Variants in MSRA observed in about 807,000 individuals in gnomAD.
MSRA encodes the protein methionine sulfoxide reductase A, also known as mitochondrial peptide methionine sulfoxide reductase.
A neutral mutation model predicts 31.3 loss-of-function variants in MSRA; 54 were observed. The observed-to-expected ratio is 1.73, with a 90% CI of 1.39 to 2.17. The LOEUF (loss-of-function observed/expected upper bound fraction) is 2.17. Ranked by LOEUF, MSRA falls within the 30% of genes most tolerant of loss-of-function variation. The pLI is 0.00. For synonymous variants in MSRA, 169 were observed against 116.5 expected (o/e 1.45, Z -2.90); for missense variants, 507 against 300.9 (o/e 1.69, Z -5.07).
chr8:10,269,852 C>T (rs1406000601), intron 3 of MSRA, among the ~76,000 whole-genome samples: 2 of 152,064 alleles, frequency 1.3e-5, no homozygotes, highest in Admixed American at 1.3e-4. Context: ...GGGGTTTCAC[C>T]GTGTTAGCCA....
chr8:10,162,929 TAA>T (rs1288062086), intron 1 of MSRA, among the ~76,000 whole-genome samples: 1 of 152,124 alleles, frequency 6.6e-6, no homozygotes, highest in South Asian at 2.1e-4. Flanking sequence ...CCTGTGGTCT[TAA>T]AGTTTGCACC....
At chr8:10,290,804 A>G (rs1226923658) in intron 3 of MSRA, among the ~76,000 whole-genome samples, 1 of 152,184 alleles carries the variant, frequency 6.6e-6, no homozygotes, top group African/African-American at 2.4e-5. Flanking sequence ...GTTAATATTA[A>G]AAGGCCATTT....
intron 2 of MSRA, among the ~76,000 whole-genome samples, chr8:10,242,264 C>G (rs1324938203): frequency 2.9e-5 from 3 of 104,100 alleles, no homozygotes; most frequent in Non-Finnish European, 6.9e-5. Flanking sequence ...GAGGGAGACT[C>G]CATCTCAAAA....
At chr8:10,226,448 G>T (rs1811007310) in intron 2 of MSRA, among the ~76,000 whole-genome samples, 1 of 152,136 alleles carries the variant, frequency 6.6e-6, no homozygotes, top group African/African-American at 2.4e-5. Flanking sequence ...ACATCCATAT[G>T]TCCTACATTT....
intron 1 of MSRA, among the ~76,000 whole-genome samples, chr8:10,147,007 C>T (rs966322635): frequency 6.6e-6 from 1 of 152,200 alleles, no homozygotes; most frequent in Non-Finnish European, 1.5e-5. Flanking sequence ...CAGCTGGGGC[C>T]TTGTTGGGTT....
In MSRA at chr8:10,349,951, G is replaced by A. The variant is rs115377651; in HGVS notation, c.543+29962G>A. On this transcript the variant is annotated intron_variant, in intron 5 of 5. Coordinates refer to ENST00000317173, the MANE Select transcript of MSRA (RefSeq NM_012331.5). The stretch of plus-strand genomic sequence containing the variant: ...ACACATTCCAGAGAGGTGAACCCTC[G>A]CTGAAGGTTACAGTTTGCCTTCCAG... 2.6e-3 allele frequency among the ~76,000 whole-genome samples: 396 copies of A among 152,328 alleles called. 4 individuals are homozygous for A. The highest frequency in any genetic ancestry group is 8.9e-3 in the African/African-American group (369 of 41,570).
chr8:10,087,325 T>A (rs1798611688), intron 1 of MSRA, among the ~76,000 whole-genome samples: 2 of 137,466 alleles, frequency 1.5e-5, no homozygotes, highest in South Asian at 2.2e-4. Flanking sequence ...AGCTCATGCA[T>A]GGCTTGTGTT....
chr8:10,130,117 T>G (rs1235061008), intron 1 of MSRA, among the ~76,000 whole-genome samples: 1 of 152,180 alleles, frequency 6.6e-6, no homozygotes, highest in Non-Finnish European at 1.5e-5. Context: ...ATTGGATGTA[T>G]CAAGGACGCT....
At chr8:10,293,871 C>T (rs568131263) in intron 3 of MSRA, among the ~76,000 whole-genome samples, 7 of 152,238 alleles carry the variant, frequency 4.6e-5, no homozygotes, top group South Asian at 4.1e-4. Flanking sequence ...GGATCTGTGG[C>T]GCTCTAGACC....
rs760330019 is a variant in MSRA at position 10,342,668 on chromosome 8, A to T, written c.543+22679A>T. On this transcript the variant is annotated intron_variant, in intron 5 of 5. Coordinates refer to ENST00000317173, the MANE Select transcript of MSRA (RefSeq NM_012331.5). ...GGTCTTAGGGAAGGCCTCCGAGTCC[A>T]GCGCAGTTCCCTGGCCTTACAGACG... Among the ~76,000 whole-genome samples, 110 of 152,218 alleles carry T rather than the reference A, an allele frequency of 7.2e-4. 1 individual carries two copies. Among genetic ancestry groups the T allele is most frequent in the African/African-American group, 1.4e-4 (6 of 41,450 alleles).
chr8:10,126,350 A>T (rs989266153), intron 1 of MSRA, among the ~76,000 whole-genome samples: 16 of 152,134 alleles, frequency 1.1e-4, no homozygotes, highest in African/African-American at 3.9e-4. Flanking sequence ...AGGAAGTAAA[A>T]ATCACTCCAA....
chr8:10,407,911 C>T (rs1807917444), intron 5 of MSRA, among the ~76,000 whole-genome samples: 1 of 152,180 alleles, frequency 6.6e-6, no homozygotes. Flanking sequence ...CATTAAGGAT[C>T]ACATCAATCT....
At chr8:10,206,077 A>G (rs1362145521) in intron 1 of MSRA, among the ~76,000 whole-genome samples, 5 of 152,062 alleles carry the variant, frequency 3.3e-5, no homozygotes, top group African/African-American at 1.2e-4. Flanking sequence ...TATTCTTACG[A>G]GTGGGATTCA....
At chr8:10,069,243 C>A (rs1797610539) in intron 1 of MSRA, among the ~76,000 whole-genome samples, 1 of 152,112 alleles carries the variant, frequency 6.6e-6, no homozygotes, top group Admixed American at 6.5e-5. Flanking sequence ...ATCTGTACAC[C>A]TTTTATTTCT....
At chr8:10,260,604 G>A (rs1275627568) in intron 3 of MSRA, among the ~76,000 whole-genome samples, 4 of 152,168 alleles carry the variant, frequency 2.6e-5, no homozygotes, top group Admixed American at 6.5e-5. Flanking sequence ...ATCCAAGGAC[G>A]TATCATGTTG....
intron 5 of MSRA, among the ~76,000 whole-genome samples, chr8:10,409,695 G>T (rs1382030963): frequency 6.6e-6 from 1 of 152,214 alleles, no homozygotes; most frequent in Non-Finnish European, 1.5e-5. Flanking sequence ...CCACCAACAT[G>T]CACGTGCTTG....
At chr8:10,154,897 T>C (rs1383705790) in intron 1 of MSRA, among the ~76,000 whole-genome samples, 1 of 151,582 alleles carries the variant, frequency 6.6e-6, no homozygotes, top group African/African-American at 2.4e-5. Context: ...AAATGTTCTT[T>C]AATATTGATT....
intron 5 of MSRA, 188 bp downstream of exon 5, chr8:10,320,177 A>G: frequency 2.3e-6 from 1 of 441,442 alleles, no homozygotes; most frequent in Non-Finnish European, 4.1e-6. Context: ...AGGTTTTAAG[A>G]GTAGGCCTGG....
intron 2 of MSRA, among the ~76,000 whole-genome samples, chr8:10,212,557 G>A (rs1465203587): frequency 1.3e-5 from 2 of 152,172 alleles, no homozygotes; most frequent in Non-Finnish European, 2.9e-5. Flanking sequence ...ATATTGTTGT[G>A]TTCTTCCTGA....
Sources: allele counts gnomAD v4.1 joint callset (sites outside exome capture counted in the v4.1 genomes callset), GRCh38; gene constraint gnomAD v4.1.1; transcripts MANE v1.5; gene names NCBI Gene and HGNC (gene_info 2026-07-23, HGNC 2026-07-21).